Variants in CSMD3 observed in about 807,000 individuals in gnomAD.
The protein encoded by CSMD3 is CUB and sushi domain-containing protein 3.
CSMD3 carries 177 observed loss-of-function variants against 435.2 expected under a neutral mutation model. The observed-to-expected ratio is 0.41, with a 90% CI of 0.36 to 0.46. The LOEUF is 0.46. Ranked by LOEUF, CSMD3 falls within the 20% of genes least tolerant of loss-of-function variation. The probability of loss-of-function intolerance (pLI) is 0.34; values close to 1 mark genes in which losing one functional copy is unlikely to be tolerated. For missense variants in CSMD3, 4,265 were observed against 4,504.6 expected (o/e 0.95, Z 1.52); for synonymous variants, 1,656 against 1,520.5 (o/e 1.09, Z -2.07).
intron 4 of CSMD3, among the ~76,000 whole-genome samples, chr8:113,130,348 TG>T (rs1392887437): frequency 1.3e-5 from 2 of 152,082 alleles, no homozygotes; most frequent in Non-Finnish European, 2.9e-5. Context: ...GATTGGATCA[TG>T]GGGAGGAATT....
At chr8:113,220,801 T>C (rs2132127629) in intron 3 of CSMD3, among the ~76,000 whole-genome samples, 1 of 151,438 alleles carries the variant, frequency 6.6e-6, no homozygotes, top group Middle Eastern at 3.4e-3. Flanking sequence ...AATTGACCTG[T>C]TCAAGTAATT....
At chr8:113,337,956 A>T (rs964718360) in intron 1 of CSMD3, among the ~76,000 whole-genome samples, 2 of 152,038 alleles carry the variant, frequency 1.3e-5, no homozygotes, top group African/African-American at 4.8e-5. Flanking sequence ...AAATATATGC[A>T]ATTTTTATTT....
chr8:112,286,452 TGATA>T (rs369263183), intron 58 of CSMD3, among the ~76,000 whole-genome samples: 1 of 152,248 alleles, frequency 6.6e-6, no homozygotes, highest in Non-Finnish European at 1.5e-5. Flanking sequence ...ACCCTGTATA[TGATA>T]TCCACTCGTC....
intron 22 of CSMD3, among the ~76,000 whole-genome samples, chr8:112,594,808 T>C (rs1208239643): frequency 6.6e-6 from 1 of 152,074 alleles, no homozygotes; most frequent in Non-Finnish European, 1.5e-5. Context: ...GAGGGTCCTG[T>C]CTGTTAGAAA....
intron 1 of CSMD3, among the ~76,000 whole-genome samples, chr8:113,415,868 C>T (rs1280562348): frequency 6.6e-6 from 1 of 151,930 alleles, no homozygotes; most frequent in Non-Finnish European, 1.5e-5. Context: ...CTTTAAGCTG[C>T]CAAATAACAT....
At chr8:112,351,120 CTTTTTTTTTA>C in intron 40 of CSMD3, 45 bp downstream of exon 40, 1 of 1,054,094 alleles carries the variant, frequency 9.5e-7, no homozygotes, top group Non-Finnish European at 1.5e-6. Context: ...ACTTTATAGT[CTTTTTTTTTA>C]CACTTTAAGT....
At chr8:113,166,271 G>A (rs894333540) in intron 4 of CSMD3, among the ~76,000 whole-genome samples, 2 of 152,044 alleles carry the variant, frequency 1.3e-5, no homozygotes, top group Non-Finnish European at 2.9e-5. Context: ...TTGGGAGGTC[G>A]AGGCAAATGG....
At chr8:112,992,134 A>G (rs1587841798) in intron 6 of CSMD3, among the ~76,000 whole-genome samples, 1 of 151,908 alleles carries the variant, frequency 6.6e-6, no homozygotes, top group Admixed American at 6.6e-5. Context: ...TAAAGAATTT[A>G]ATTGAATTAT....
chr8:112,431,839 T>G (rs946055086), intron 32 of CSMD3, among the ~76,000 whole-genome samples: 2 of 152,128 alleles, frequency 1.3e-5, no homozygotes, highest in African/African-American at 4.8e-5. Context: ...ATACCAAAAA[T>G]GGGATAGACA....
intron 7 of CSMD3, among the ~76,000 whole-genome samples, chr8:112,966,594 T>C (rs1228005781): frequency 1.3e-5 from 2 of 151,824 alleles, no homozygotes; most frequent in South Asian, 2.1e-4. Context: ...CTTTGTTATT[T>C]GATACATTGA....
chr8:113,339,108 G>A (rs540663933), intron 1 of CSMD3, among the ~76,000 whole-genome samples: 35 of 151,794 alleles, frequency 2.3e-4, no homozygotes, highest in African/African-American at 8.4e-4. Flanking sequence ...CCATATAACA[G>A]AATAATAAGA....
intron 1 of CSMD3, among the ~76,000 whole-genome samples, chr8:113,378,944 A>G (rs542636464): frequency 2.6e-5 from 4 of 152,190 alleles, no homozygotes; most frequent in Non-Finnish European, 4.4e-5. Flanking sequence ...ATGTTACAAA[A>G]TGAAATTGAG....
chr8:112,863,123 T>C (rs1165930487), intron 10 of CSMD3, among the ~76,000 whole-genome samples: 1 of 152,054 alleles, frequency 6.6e-6, no homozygotes, highest in Non-Finnish European at 1.5e-5. Context: ...TTATATGTGC[T>C]ACAAATACTT....
intron 51 of CSMD3, 29 bp from the exon 52 acceptor site, chr8:112,304,944 T>C (rs1454641240): frequency 9.7e-6 from 15 of 1,543,834 alleles, no homozygotes; most frequent in African/African-American, 2.7e-5. Context: ...GTGTAATTGC[T>C]AACAAATCAC....
intron 13 of CSMD3, among the ~76,000 whole-genome samples, chr8:112,708,812 G>A (rs2076552876): frequency 6.6e-6 from 1 of 151,824 alleles, no homozygotes; most frequent in Non-Finnish European, 1.5e-5. Flanking sequence ...GTCAATGACA[G>A]AAAACTTTTT....
chr8:113,363,295 T>G lies in CSMD3; in HGVS notation c.179-48502A>C, dbSNP rs59804074. 9.9e-5 allele frequency among the ~76,000 whole-genome samples: 15 copies of G among 152,130 alleles called. No homozygotes were observed. In the South Asian group the frequency reaches 2.9e-3, roughly 29 times the overall value. On this transcript the variant is annotated intron_variant, in intron 1 of 70. Transcript: ENST00000297405. ...AGTTAATTGCTTACACGCGTGTTTG[T>G]ATATTTCAAAGTCCTTTATCAGATA...
intron 21 of CSMD3, among the ~76,000 whole-genome samples, chr8:112,638,248 C>T (rs564944632): frequency 6.7e-6 from 1 of 149,044 alleles, no homozygotes; most frequent in South Asian, 2.1e-4. Context: ...ATCATTAATT[C>T]TGGCCTGTTG....
At chr8:112,286,991 T>C in intron 58 of CSMD3, 73 bp downstream of exon 58, 1 of 1,197,144 alleles carries the variant, frequency 8.4e-7, no homozygotes, top group Non-Finnish European at 1.2e-6. Flanking sequence ...ATTTTCCTAG[T>C]AGTACTCATC....
chr8:112,978,635 G>C (rs748611329), intron 6 of CSMD3, among the ~76,000 whole-genome samples: 1 of 151,938 alleles, frequency 6.6e-6, no homozygotes, highest in Non-Finnish European at 1.5e-5. Flanking sequence ...CAGTGTTTAA[G>C]GTTGAAATAA....
Sources: gnomAD v4.1 joint callset for allele counts (sites outside exome capture counted in the v4.1 genomes callset) on GRCh38, gnomAD v4.1.1 for gene constraint, MANE v1.5 for transcripts, NCBI Gene and HGNC (gene_info 2026-07-23, HGNC 2026-07-21) for gene names.